The following GRM7 variants were observed in gnomAD, a reference collection of about 807,000 sequenced individuals.
The protein encoded by GRM7 is metabotropic glutamate receptor 7.
In GRM7, 35 loss-of-function variants were observed where a neutral mutation model predicts 84.5. The observed-to-expected ratio is 0.41, with a 90% CI of 0.32 to 0.55. The LOEUF (loss-of-function observed/expected upper bound fraction) is 0.55, where lower values mean the gene tolerates loss of function less well. Among genes scored for constraint, GRM7 ranks in the 20% least tolerant of loss-of-function variants. The pLI, the probability that GRM7 is intolerant of heterozygous loss-of-function variation, is 0.19. For missense variants in GRM7, 1,003 were observed against 1,194.6 expected, an observed-to-expected ratio of 0.84 and a Z score of 2.36; for synonymous variants, 487 against 455.1, an observed-to-expected ratio of 1.07 and a Z score of -0.89.
At chr3:7,284,365 ACAAT>A (rs1443557131) in intron 2 of GRM7, among the ~76,000 whole-genome samples, 4 of 152,066 alleles carry the variant, frequency 2.6e-5, no homozygotes, top group East Asian at 1.9e-4. Flanking sequence ...ATCAATACTA[ACAAT>A]CAAGATAAAT....
chr3:7,593,559 G>A (rs1385563851), intron 8 of GRM7, among the ~76,000 whole-genome samples: 1 of 152,206 alleles, frequency 6.6e-6, no homozygotes, highest in Non-Finnish European at 1.5e-5. Flanking sequence ...GAATGGTCAG[G>A]AGGGCTTCTT....
chr3:6,893,637 T>C (rs1237371483), intron 1 of GRM7, among the ~76,000 whole-genome samples: 1 of 152,194 alleles, frequency 6.6e-6, no homozygotes, highest in African/African-American at 2.4e-5. Flanking sequence ...GCATTTGAAA[T>C]ACAGTCATCA....
At chr3:7,029,301 CA>C (rs57622634) in intron 1 of GRM7, among the ~76,000 whole-genome samples, 10,271 of 55,028 alleles carry the variant, frequency 0.19, 1,181 homozygotes, top group African/African-American at 0.41. Flanking sequence ...GACTCTGCCT[CA>C]AAAAAAAAAA....
intron 1 of GRM7, among the ~76,000 whole-genome samples, chr3:6,998,054 G>T (rs990353520): frequency 7.4e-6 from 1 of 134,704 alleles, no homozygotes; most frequent in Non-Finnish European, 1.5e-5. Flanking sequence ...ACAAGGTGGA[G>T]GTTGCAGTGA....
At chr3:7,276,891 A>G (rs1005728077) in intron 2 of GRM7, among the ~76,000 whole-genome samples, 2 of 150,486 alleles carry the variant, frequency 1.3e-5, no homozygotes, top group African/African-American at 2.5e-5. Context: ...TGTTACTACT[A>G]TCATTTTGCT....
chr3:7,017,434 T>G (rs1695605592), intron 1 of GRM7, among the ~76,000 whole-genome samples: 2 of 152,188 alleles, frequency 1.3e-5, no homozygotes, highest in South Asian at 4.1e-4. Flanking sequence ...CAACAGGCCA[T>G]GAGCTGGGCA....
At chr3:7,083,377 C>T (rs1348795770) in intron 1 of GRM7, among the ~76,000 whole-genome samples, 1 of 152,084 alleles carries the variant, frequency 6.6e-6, no homozygotes, top group Non-Finnish European at 1.5e-5. Context: ...AGTACTATTG[C>T]ACACTTAATA....
chr3:7,489,524 A>G (rs1163748352), intron 7 of GRM7, among the ~76,000 whole-genome samples: 1 of 152,154 alleles, frequency 6.6e-6, no homozygotes, highest in Non-Finnish European at 1.5e-5. Flanking sequence ...CTGCATTGTA[A>G]AGCCATGACA....
chr3:6,958,257 A>G (rs1235203058), intron 1 of GRM7, among the ~76,000 whole-genome samples: 1 of 149,710 alleles, frequency 6.7e-6, no homozygotes, highest in African/African-American at 2.5e-5. Context: ...TTTTTGGAAG[A>G]GTCTGGTTTA....
chr3:7,256,623 A>G (rs934616920), intron 2 of GRM7, among the ~76,000 whole-genome samples: 1 of 142,602 alleles, frequency 7.0e-6, no homozygotes, highest in Admixed American at 6.7e-5. Context: ...CTATGCACAC[A>G]CACACACATG....
intron 6 of GRM7, among the ~76,000 whole-genome samples, chr3:7,454,702 A>C (rs1045404528): frequency 2.6e-5 from 4 of 152,228 alleles, no homozygotes; most frequent in African/African-American, 7.2e-5. Context: ...TCATTATCCA[A>C]GATAAAAATC....
intron 7 of GRM7, among the ~76,000 whole-genome samples, chr3:7,494,490 T>C (rs1699629799): frequency 6.6e-6 from 1 of 152,200 alleles, no homozygotes; most frequent in Admixed American, 6.5e-5. Flanking sequence ...AGCCTATAGG[T>C]TTGTGTCTGT....
At chr3:7,100,773 C>T (rs1699084017) in intron 1 of GRM7, among the ~76,000 whole-genome samples, 1 of 151,776 alleles carries the variant, frequency 6.6e-6, no homozygotes, top group Admixed American at 6.6e-5. Flanking sequence ...AAAACCTTTC[C>T]TGTGTTTCCC....
At chr3:7,439,874 T>G (rs1697216534) in intron 5 of GRM7, among the ~76,000 whole-genome samples, 1 of 151,682 alleles carries the variant, frequency 6.6e-6, no homozygotes. Flanking sequence ...ACAAAGTATT[T>G]GGAAAGACAG....
At chr3:7,321,937 T>C (rs1404926055) in intron 4 of GRM7, among the ~76,000 whole-genome samples, 3 of 152,132 alleles carry the variant, frequency 2.0e-5, no homozygotes, top group Non-Finnish European at 4.4e-5. Context: ...CTGGCCTCCA[T>C]ATGTCAACAT....
chr3:7,565,994 A>G (rs2125040732), intron 7 of GRM7, among the ~76,000 whole-genome samples: 1 of 152,282 alleles, frequency 6.6e-6, no homozygotes, highest in East Asian at 1.9e-4. Context: ...ATGTTTGGTT[A>G]AGGGAAAGGG....
At chr3:7,272,391 G>A (rs1423119700) in intron 2 of GRM7, among the ~76,000 whole-genome samples, 3 of 152,160 alleles carry the variant, frequency 2.0e-5, no homozygotes, top group African/African-American at 7.2e-5. Flanking sequence ...TGTGTCATGA[G>A]TTAATATATG....
At chr3:7,220,359 A>G (rs6786712) in intron 2 of GRM7, among the ~76,000 whole-genome samples, 44,956 of 152,104 alleles carry the variant, frequency 0.3, 7,420 homozygotes, top group Middle Eastern at 0.42. Flanking sequence ...TAATGAGCAT[A>G]GCACTTTATT....
intron 1 of GRM7, among the ~76,000 whole-genome samples, chr3:7,125,079 A>G (rs1482324979): frequency 3.3e-5 from 5 of 152,188 alleles, no homozygotes; most frequent in Non-Finnish European, 5.9e-5. Context: ...AGCTGGGACT[A>G]CAGGCACCCA....
Sources: allele counts gnomAD v4.1 joint callset (sites outside exome capture counted in the v4.1 genomes callset), GRCh38; gene constraint gnomAD v4.1.1; transcripts MANE v1.5; gene names NCBI Gene and HGNC (gene_info 2026-07-23, HGNC 2026-07-21).